Variants in SLIT3 observed in about 807,000 individuals in gnomAD.
The protein encoded by SLIT3 is slit guidance ligand 3, also known as slit homolog 3 protein.
A neutral mutation model predicts 184.0 loss-of-function variants in SLIT3; 68 were observed. That is an observed-to-expected ratio of 0.37 (90% CI 0.30 to 0.45). The LOEUF (loss-of-function observed/expected upper bound fraction) is 0.45, where lower values mean the gene tolerates loss of function less well. SLIT3 is among the 20% of genes least tolerant of loss of function. SLIT3 has a pLI of 1.00. For missense variants in SLIT3, 1,707 were observed against 2,026.0 expected (o/e 0.84, Z 3.02); for synonymous variants, 831 against 828.6 (o/e 1.00, Z -0.05).
At chr5:169,033,027 C>T (rs910787156) in intron 4 of SLIT3, among the ~76,000 whole-genome samples, 5 of 147,360 alleles carry the variant, frequency 3.4e-5, no homozygotes, top group Admixed American at 6.9e-5. Flanking sequence ...CATAGTCTTC[C>T]GGTTGTACAT....
At chr5:168,981,597 T>C (rs1466651884) in intron 4 of SLIT3, among the ~76,000 whole-genome samples, 3 of 152,192 alleles carry the variant, frequency 2.0e-5, no homozygotes, top group African/African-American at 7.2e-5. Flanking sequence ...TTATTGTAGA[T>C]AGAGCTGAAT....
intron 3 of SLIT3, among the ~76,000 whole-genome samples, chr5:169,219,827 C>G (rs902428873): frequency 4.6e-5 from 7 of 152,180 alleles, no homozygotes; most frequent in Non-Finnish European, 1.0e-4. Context: ...AACAAAGGAA[C>G]ATGATCATAG....
At chr5:169,157,531 T>C (rs1387328615) in intron 4 of SLIT3, among the ~76,000 whole-genome samples, 4 of 152,166 alleles carry the variant, frequency 2.6e-5, no homozygotes, top group Non-Finnish European at 4.4e-5. Context: ...TCCACCCCTA[T>C]CTGGCCATAA....
intron 5 of SLIT3, among the ~76,000 whole-genome samples, chr5:168,860,767 T>C (rs1759073884): frequency 6.6e-6 from 1 of 152,162 alleles, no homozygotes; most frequent in South Asian, 2.1e-4. Flanking sequence ...CCAAGGCCCA[T>C]ATGAATTATT....
intron 5 of SLIT3, among the ~76,000 whole-genome samples, chr5:168,870,985 A>G (rs765595709): frequency 7.2e-5 from 11 of 152,184 alleles, no homozygotes; most frequent in Non-Finnish European, 1.0e-4. Flanking sequence ...AATTACCACA[A>G]ACTGAGCGTC....
At chr5:169,239,647 T>G (rs549336471) in intron 3 of SLIT3, among the ~76,000 whole-genome samples, 2 of 152,182 alleles carry the variant, frequency 1.3e-5, no homozygotes, top group South Asian at 4.1e-4. Context: ...ATTCTTCATG[T>G]TGGTAATTTA....
chr5:169,161,313 C>T (rs1284085173), intron 4 of SLIT3, among the ~76,000 whole-genome samples: 1 of 152,226 alleles, frequency 6.6e-6, no homozygotes, highest in Non-Finnish European at 1.5e-5. Flanking sequence ...CCTGCCCTCT[C>T]AGCTTCAGTT....
chr5:169,199,866 C>A (rs144881306), intron 3 of SLIT3, among the ~76,000 whole-genome samples: 1 of 152,130 alleles, frequency 6.6e-6, no homozygotes, highest in Non-Finnish European at 1.5e-5. Context: ...CCTTTGCGTC[C>A]CAACAGTAGC....
At position 168,762,671 on chromosome 5, in the gene SLIT3, C is replaced by G; in HGVS notation, c.1478G>C (p.Ser493Thr). 6.2e-7 allele frequency: 1 copy of G among 1,613,896 alleles called. No homozygotes were observed. The change falls in exon 15 of 36, where the codon AGC (serine) becomes ACC (threonine). Residue 493 changes from serine (S) to threonine (T), a missense_variant. This residue lies in a region of SLIT3 where 1,307 missense variants were observed against 1,511.6 expected (regional missense o/e 0.86). Transcript: ENST00000519560. ...FRCSGSEDYR[S>T]RFSSECFMDL... ...CATGAAGCACTCGCTGCTGAACCTG[C>G]TGCGGTAATCCTCGGAGCCTGGGAG...
intron 4 of SLIT3, among the ~76,000 whole-genome samples, chr5:168,946,065 T>C (rs1762473977): frequency 6.6e-6 from 1 of 152,066 alleles, no homozygotes; most frequent in Non-Finnish European, 1.5e-5. Context: ...TAGGGGGGAG[T>C]CACATCAAAT....
chr5:168,804,498 A>G (rs1756890146), intron 9 of SLIT3, among the ~76,000 whole-genome samples: 1 of 152,036 alleles, frequency 6.6e-6, no homozygotes, highest in Admixed American at 6.6e-5. Flanking sequence ...CCGTAGAGGG[A>G]GCGCTCTCTA....
Position 168,666,485 on chromosome 5 carries a change from T to C in SLIT3, c.4541A>G (p.His1514Arg). 6.3e-7 allele frequency: 1 copy of C among 1,596,346 alleles called. No individual in the cohort carries two copies. Among genetic ancestry groups the C allele is most frequent in the South Asian group, 1.1e-5 (1 of 89,312 alleles). Residue 1514 changes from histidine to arginine, a missense_variant, in exon 36 of 36, where the codon CAC becomes CGC. Physicochemically the swap from His to Arg is conservative, Grantham distance 29 (BLOSUM62 0). This residue lies in a region of SLIT3 where 387 missense variants were observed against 477.9 expected (regional missense o/e 0.81). Coordinates refer to ENST00000519560, the MANE Select transcript of SLIT3 (RefSeq NM_003062.4). ...ACACGCGAGGCAGCCGCACTCTAAG[T>C]GTCTCTCCACCTCTTCTACAAACGA... ...GSSFVEEVER[H>R]LECGCLACS is the part of the protein sequence containing the mutation.
At chr5:169,188,079 T>G (rs1763420443) in intron 4 of SLIT3, among the ~76,000 whole-genome samples, 1 of 152,146 alleles carries the variant, frequency 6.6e-6, no homozygotes, top group African/African-American at 2.4e-5. Flanking sequence ...CACCTCAGCC[T>G]CCCAAGTAGC....
intron 4 of SLIT3, among the ~76,000 whole-genome samples, chr5:169,084,469 T>G (rs1213151187): frequency 6.7e-6 from 1 of 149,342 alleles, no homozygotes; most frequent in Admixed American, 6.7e-5. Flanking sequence ...TTTTTTTTTT[T>G]TTTTTTTTTG....
In SLIT3 at chr5:169,005,200, A is replaced by T. The variant is rs147116961; in HGVS notation, c.414-121864T>A. On this transcript the variant is annotated intron_variant, in intron 4 of 35. Transcript: ENST00000519560. Reference sequence around the variant, plus strand: ...AAGCATAACTTTTATATGAACTGGGAAACTAAAAAATTTGTGTAATTCACT... The same window carrying T: ...AAGCATAACTTTTATATGAACTGGGTAACTAAAAAATTTGTGTAATTCACT... 2.7e-3 allele frequency among the ~76,000 whole-genome samples: 409 copies of T among 152,352 alleles called. 3 individuals carry two copies. The highest frequency in any genetic ancestry group is 9.4e-3 in the African/African-American group (391 of 41,572).
At position 168,881,436 on chromosome 5, in the gene SLIT3, T is replaced by A. The variant is rs568532788; in HGVS notation, c.485+1829A>T. 5.9e-5 allele frequency among the ~76,000 whole-genome samples: 9 copies of A among 152,370 alleles called. No homozygotes were observed. In the South Asian group the frequency reaches 1.9e-3, roughly 32 times the overall value. On this transcript the variant is annotated intron_variant, in intron 5 of 35. Coordinates refer to ENST00000519560, the MANE Select transcript of SLIT3 (RefSeq NM_003062.4). ...TTAACTGTCCAGCTCTGGTTATACA[T>A]CACTACAATATGTTCTTTTTGGTTA...
Position 168,666,642 on chromosome 5 carries a change from T to C in SLIT3, c.4384A>G (p.Lys1462Glu). The change falls in exon 36 of 36, where the codon AAA becomes GAA. Residue 1462 changes from lysine to glutamate, a missense_variant. Coordinates refer to ENST00000519560, the MANE Select transcript of SLIT3 (RefSeq NM_003062.4). Reference sequence around the variant, plus strand: ...GCTGTGGCACATGATGCATAACCTTTCTGGCGGCGGATCACCTCTCGGACT... The same window carrying C: ...GCTGTGGCACATGATGCATAACCTTCCTGGCGGCGGATCACCTCTCGGACT... ...QVVREVIRRQ[K>E]GYASCATASK... 1 of 1,614,218 alleles carries C rather than the reference T, an allele frequency of 6.2e-7. No homozygotes were observed. Among genetic ancestry groups the C allele is most frequent in the Non-Finnish European group, 8.5e-7 (1 of 1,180,038 alleles).
chr5:169,038,651 C>G (rs1757341633), intron 4 of SLIT3, among the ~76,000 whole-genome samples: 1 of 152,080 alleles, frequency 6.6e-6, no homozygotes, highest in African/African-American at 2.4e-5. Flanking sequence ...CCATATTTAC[C>G]CAAGAGGCAG....
At chr5:169,166,608 A>G (rs1287211446) in intron 4 of SLIT3, among the ~76,000 whole-genome samples, 1 of 152,192 alleles carries the variant, frequency 6.6e-6, no homozygotes, top group African/African-American at 2.4e-5. Context: ...CAGGTGCTCC[A>G]TGGTATTATT....
Sources: gnomAD v4.1 joint callset for allele counts (sites outside exome capture counted in the v4.1 genomes callset) on GRCh38, gnomAD v4.1.1 for gene constraint, gnomAD v4.1.1 regional missense constraint, MANE v1.5 for transcripts, NCBI Gene and HGNC (gene_info 2026-07-23, HGNC 2026-07-21) for gene names.